Variants in PCM1 observed in about 807,000 individuals in gnomAD.
The protein encoded by PCM1 is pericentriolar material 1 protein.
PCM1 carries 157 observed loss-of-function variants against 241.9 expected under a neutral mutation model. The observed-to-expected ratio is 0.65, with a 90% CI of 0.57 to 0.74. The LOEUF is 0.74. Ranked by LOEUF, PCM1 falls within the 30% of genes least tolerant of loss-of-function variation. PCM1 has a pLI of 0.00. For missense variants in PCM1, 3,478 were observed against 2,360.1 expected (o/e 1.47, Z -9.81); for synonymous variants, 1,085 against 784.9 (o/e 1.38, Z -6.39).
At chr8:17,957,908 T>C in intron 13 of PCM1, 133 bp downstream of exon 13, 1 of 644,440 alleles carries the variant, frequency 1.6e-6, no homozygotes, top group Non-Finnish European at 2.6e-6. Context: ...TTTAAATTTT[T>C]AGCACTTTAC....
chr8:17,930,595 G>C (rs931346158), intron 2 of PCM1, among the ~76,000 whole-genome samples: 1 of 151,862 alleles, frequency 6.6e-6, no homozygotes, highest in South Asian at 2.1e-4. Context: ...TGTTGTGAAT[G>C]TGGCCGGGTG....
At chr8:17,951,028 C>G (rs2065820436) in intron 8 of PCM1, among the ~76,000 whole-genome samples, 1 of 152,170 alleles carries the variant, frequency 6.6e-6, no homozygotes, top group South Asian at 2.1e-4. Context: ...ATGACGTATT[C>G]TTTTTTCCTC....
rs564761718 is a variant in PCM1 at position 17,993,416 on chromosome 8, A to T, written c.4691-67A>T. The T allele has an allele frequency of 2.1e-5, 22 of 1,055,840 alleles. No homozygotes were observed. In the African/African-American group the frequency reaches 3.0e-4, roughly 14 times the overall value. 65.4% of individuals were successfully genotyped at this position (1,055,840 alleles called of 1,614,324 possible). On this transcript the variant is annotated intron_variant, in intron 28 of 38. Transcript: ENST00000325083. ...CAAATTTAATATTTTTCAAATTTCA[A>T]CATAAAGGCATATATGTATATATAA...
chr8:17,981,890 A>G (rs2080959627), intron 24 of PCM1, among the ~76,000 whole-genome samples: 1 of 101,182 alleles, frequency 9.9e-6, no homozygotes, highest in Admixed American at 9.0e-5. Flanking sequence ...AATCCATCCT[A>G]AGAAGACAAA....
At chr8:17,923,831 T>C (rs2055670986) in intron 1 of PCM1, among the ~76,000 whole-genome samples, 1 of 152,004 alleles carries the variant, frequency 6.6e-6, no homozygotes, top group Admixed American at 6.5e-5. Context: ...TAGTTAGAAT[T>C]GGGCCTAGAA....
chr8:17,935,616 C>A lies in PCM1; in HGVS notation c.6C>A (p.Ala2=), dbSNP rs1407403719. Residue 2 remains alanine (A), a synonymous_variant, in exon 3 of 39, where the codon GCC becomes GCA. Transcript: ENST00000325083. The part of the protein sequence containing the change: M[A]TGGGPFEDGM... ...AGTTAATTGTTAAATCCAGTATGGC[C>A]ACAGGAGGAGGTCCCTTTGAAGATG... 1.4e-6 allele frequency: 2 copies of A among 1,471,298 alleles called. No homozygotes were observed. Among genetic ancestry groups the A allele is most frequent in the East Asian group, 4.5e-5 (2 of 44,234 alleles). 91.1% of individuals were successfully genotyped at this position (1,471,298 alleles called of 1,614,324 possible). A position where few individuals can be genotyped will look rare whatever the true frequency, so the allele number is the denominator to read the frequency against.
Position 17,958,619 on chromosome 8 carries a change from A to C in PCM1, c.2040+844A>C, listed in dbSNP as rs544819530. Among the ~76,000 whole-genome samples, 34 of 152,300 alleles carry C rather than the reference A, an allele frequency of 2.2e-4. 1 individual carries two copies. The South Asian group carries it at 6.4e-3, about 29-fold the overall frequency. On this transcript the variant is annotated intron_variant, in intron 13 of 38. Transcript: ENST00000325083. The stretch of plus-strand genomic sequence containing the variant: ...ATATAAAATGGTTTTTGTGAGTGAA[A>C]AACCTCAAGTTTTATTAACAGTTTC...
intron 9 of PCM1, among the ~76,000 whole-genome samples, chr8:17,954,421 C>G (rs2067246961): frequency 7.0e-6 from 1 of 142,166 alleles, no homozygotes; most frequent in East Asian, 2.1e-4. Flanking sequence ...AAGTGAAACT[C>G]CATCTCAAAA....
In PCM1 at chr8:17,953,106, T is replaced by C; in HGVS notation, c.1208T>C (p.Leu403Pro). 1.3e-6 allele frequency: 2 copies of C among 1,599,804 alleles called. No individual in the cohort carries two copies. The highest frequency in any genetic ancestry group is 8.5e-7 in the Non-Finnish European group (1 of 1,172,432). The change falls in exon 9 of 39, where the codon CTA (leucine) becomes CCA (proline). Residue 403 changes from leucine (L) to proline (P), a missense_variant. Leu to Pro is a moderately conservative substitution (Grantham distance 98). Transcript: ENST00000325083. ...KVELFSKMRV[L>P]QEKKQKMDKL... ...GAACTTTTTAGCAAAATGAGAGTGC[T>C]ACAGGAAAAGAAACAAAAAATGGAC...
rs1396896921 is a variant in PCM1, at chr8:18,014,806, C to G, written c.5807C>G (p.Pro1936Arg). 1.9e-6 allele frequency: 3 copies of G among 1,603,682 alleles called. No individual in the cohort carries two copies. Among genetic ancestry groups the G allele is most frequent in the Non-Finnish European group, 2.5e-6 (3 of 1,178,140 alleles). ...CCTGAAAGCTCTCTGGCTGGAAGTC[C>G]TGATACTGAATCTCCAGTGTTAGTG... Reference protein sequence around the residue: ...ETPESSLAGSPDTESPVLVND... With the variant: ...ETPESSLAGSRDTESPVLVND... The change falls in exon 36 of 39, where the codon CCT becomes CGT. Residue 1936 changes from proline to arginine, a missense_variant. Transcript: ENST00000325083.
rs187956681 is a variant in PCM1, at chr8:18,022,022, T to C, written c.5842-3339T>C. 3.3e-5 allele frequency among the ~76,000 whole-genome samples: 5 copies of C among 152,308 alleles called. No individual in the cohort carries two copies. In the East Asian group the frequency reaches 9.6e-4, roughly 29 times the overall value. On this transcript the variant is annotated intron_variant, in intron 36 of 38. Coordinates refer to ENST00000325083, the MANE Select transcript of PCM1 (RefSeq NM_006197.4). ...CTTAGAACGTGGAGATTGGATCTTT[T>C]GGAAACAACAGCAGAGAAAAATTGC...
intron 13 of PCM1, 97 bp downstream of exon 13, chr8:17,957,872 T>C (rs2069375583): frequency 3.8e-6 from 3 of 786,226 alleles, no homozygotes; most frequent in African/African-American, 1.7e-5. Context: ...ATTATACTAA[T>C]ACACATTTAT....
chr8:17,962,128 G>T lies in PCM1; in HGVS notation c.2417G>T (p.Ser806Ile). 6.2e-7 allele frequency: 1 copy of T among 1,609,914 alleles called. No homozygotes were observed. The highest frequency in any genetic ancestry group is 8.5e-7 in the Non-Finnish European group (1 of 1,177,588). The change falls in exon 16 of 39, where the codon AGC becomes ATC. Residue 806 changes from serine (S) to isoleucine (I), a missense_variant. Physicochemically the swap from Ser to Ile is moderately radical, Grantham distance 142. Coordinates refer to ENST00000325083, the MANE Select transcript of PCM1 (RefSeq NM_006197.4). ...PTVNQHETST[S>I]KSVFEPEDSS... ...GTTAATCAACACGAGACCAGTACAA[G>T]CAAATCTGTTTTTGAGCCTGAAGAT...
intron 23 of PCM1, 144 bp from the exon 24 acceptor site, chr8:17,980,445 CAT>C (rs917371559): frequency 2.9e-5 from 16 of 552,392 alleles, no homozygotes; most frequent in Non-Finnish European, 4.6e-5. Context: ...ACCTCCAAGA[CAT>C]ATTTACTGTT....
At chr8:18,017,699 C>G (rs2093355763) in intron 36 of PCM1, among the ~76,000 whole-genome samples, 1 of 152,058 alleles carries the variant, frequency 6.6e-6, no homozygotes, top group Admixed American at 6.5e-5. Flanking sequence ...ATTAAAAATA[C>G]AAAATTAGCC....
intron 6 of PCM1, among the ~76,000 whole-genome samples, chr8:17,946,428 ATAG>A (rs1293963551): frequency 6.6e-6 from 1 of 152,196 alleles, no homozygotes; most frequent in African/African-American, 2.4e-5. Flanking sequence ...TTTGTTAGAA[ATAG>A]TAGGTGTGCC....
At chr8:18,000,989 T>G (rs1412583063) in intron 29 of PCM1, among the ~76,000 whole-genome samples, 1 of 152,198 alleles carries the variant, frequency 6.6e-6, no homozygotes, top group Non-Finnish European at 1.5e-5. Flanking sequence ...GTTACTCAGC[T>G]AATTCCAGGC....
chr8:17,959,827 T>C (rs549763976), intron 13 of PCM1, among the ~76,000 whole-genome samples, 187 bp from the exon 14 acceptor site: 5 of 152,328 alleles, frequency 3.3e-5, no homozygotes, highest in African/African-American at 1.2e-4. Flanking sequence ...GAGATAAACA[T>C]GTATGCAAAT....
At chr8:17,938,666 A>G in intron 4 of PCM1, 74 bp from the exon 5 acceptor site, 1 of 1,042,576 alleles carries the variant, frequency 9.6e-7, no homozygotes, top group East Asian at 2.4e-5. Flanking sequence ...GGCGAAACTA[A>G]GAACATTGGG....
Sources: allele counts gnomAD v4.1 joint callset (sites outside exome capture counted in the v4.1 genomes callset), GRCh38; gene constraint gnomAD v4.1.1; transcripts MANE v1.5; gene names NCBI Gene and HGNC (gene_info 2026-07-23, HGNC 2026-07-21).